Variants in SHISA9 observed in about 807,000 individuals in gnomAD.
SHISA9 encodes shisa family member 9.
Under a neutral mutation model 38.0 loss-of-function variants are expected in SHISA9, and 13 were observed. The observed-to-expected ratio is 0.34, with a 90% CI of 0.22 to 0.54. The LOEUF is 0.54. Among genes scored for constraint, SHISA9 ranks in the 20% least tolerant of loss-of-function variants. The pLI is 0.91. For synonymous variants in SHISA9, 275 were observed against 242.0 expected, an observed-to-expected ratio of 1.14 and a Z score of -1.27; for missense variants, 538 against 575.8, an observed-to-expected ratio of 0.93 and a Z score of 0.67.
intron 2 of SHISA9, among the ~76,000 whole-genome samples, chr16:12,964,521 G>A (rs1031561529): frequency 9.9e-5 from 15 of 151,966 alleles, no homozygotes; most frequent in African/African-American, 3.6e-4. Context: ...AGTTTTTCTT[G>A]GTTTTGTCTT....
At chr16:13,006,230 C>G (rs2072596631) in intron 2 of SHISA9, among the ~76,000 whole-genome samples, 1 of 152,194 alleles carries the variant, frequency 6.6e-6, no homozygotes. Context: ...AGGAAGGGAC[C>G]AGAGTGACCT....
At chr16:13,049,580 T>C (rs955178240) in intron 2 of SHISA9, among the ~76,000 whole-genome samples, 2 of 152,218 alleles carry the variant, frequency 1.3e-5, no homozygotes, top group African/African-American at 4.8e-5. Context: ...CCTGGCTGCA[T>C]GTGTTGTAAC....
At chr16:13,105,323 C>T (rs933759038) in intron 2 of SHISA9, among the ~76,000 whole-genome samples, 16 of 152,140 alleles carry the variant, frequency 1.1e-4, no homozygotes, top group African/African-American at 1.7e-4. Flanking sequence ...GGAGGAGATG[C>T]GGTAAGCATT....
chr16:13,048,670 C>A (rs4780498), intron 2 of SHISA9, among the ~76,000 whole-genome samples: 4,743 of 152,304 alleles, frequency 0.031, 108 homozygotes, highest in East Asian at 0.11. Context: ...GATCCACCTG[C>A]CTTGGCCTCC....
the SHISA9 span, among the ~76,000 whole-genome samples, chr16:13,547,206 G>GAA: frequency 6.7e-6 from 1 of 150,286 alleles, no homozygotes; most frequent in Non-Finnish European, 1.5e-5. Flanking sequence ...GCCAGTAATG[G>GAA]AAAAAAAAAT....
the SHISA9 span, among the ~76,000 whole-genome samples, chr16:13,255,929 A>T: frequency 6.6e-6 from 1 of 152,218 alleles, no homozygotes; most frequent in African/African-American, 2.4e-5. Context: ...ACTTAAATTT[A>T]TGCTTAAATC....
intron 2 of SHISA9, among the ~76,000 whole-genome samples, chr16:13,008,991 C>G (rs1232849125): frequency 6.6e-6 from 1 of 151,916 alleles, no homozygotes; most frequent in African/African-American, 2.4e-5. Flanking sequence ...AAGTCTTTGT[C>G]AATCAGGGGA....
chr16:13,077,808 T>G (rs1208841575), intron 2 of SHISA9, among the ~76,000 whole-genome samples: 1 of 152,160 alleles, frequency 6.6e-6, no homozygotes, highest in Non-Finnish European at 1.5e-5. Flanking sequence ...CACTTCTAAT[T>G]ACAGCCAGCC....
intron 3 of SHISA9, among the ~76,000 whole-genome samples, chr16:13,209,500 C>T (rs765462923): frequency 2.0e-5 from 3 of 152,188 alleles, no homozygotes; most frequent in Admixed American, 2.0e-4. Context: ...AGTTGATGCC[C>T]AGGCATATAG....
At chr16:13,320,506 A>G in the SHISA9 span, among the ~76,000 whole-genome samples, 1 of 152,150 alleles carries the variant, frequency 6.6e-6, no homozygotes, top group South Asian at 2.1e-4. Flanking sequence ...AATCCATGCC[A>G]TGTTCTCAGC....
the SHISA9 span, among the ~76,000 whole-genome samples, chr16:13,398,940 G>A: frequency 6.6e-6 from 1 of 152,188 alleles, no homozygotes; most frequent in East Asian, 1.9e-4. Flanking sequence ...TATCAATTGA[G>A]TGCCAGTTAT....
At chr16:13,518,356 C>T in the SHISA9 span, among the ~76,000 whole-genome samples, 239 of 152,226 alleles carry the variant, frequency 1.6e-3, no homozygotes, top group African/African-American at 5.0e-3. Context: ...AACAGTGTGC[C>T]GCCGACCTGA....
At chr16:13,481,159 G>C in the SHISA9 span, among the ~76,000 whole-genome samples, 1 of 152,160 alleles carries the variant, frequency 6.6e-6, no homozygotes, top group East Asian at 1.9e-4. Flanking sequence ...TTTCTGAAAA[G>C]CTTGTCTTTG....
intron 2 of SHISA9, among the ~76,000 whole-genome samples, chr16:13,088,974 A>G (rs1489545162): frequency 6.6e-6 from 1 of 152,188 alleles, no homozygotes; most frequent in African/African-American, 2.4e-5. Context: ...TATTATTTTG[A>G]GATACGTTCC....
At chr16:13,086,841 A>G (rs189814734) in intron 2 of SHISA9, among the ~76,000 whole-genome samples, 210 of 140,462 alleles carry the variant, frequency 1.5e-3, no homozygotes, top group African/African-American at 6.2e-3. Context: ...AATTTATTTC[A>G]TCTGTTTTCT....
chr16:12,919,982 AC>A (rs1303719528), intron 2 of SHISA9, among the ~76,000 whole-genome samples: 1 of 152,060 alleles, frequency 6.6e-6, no homozygotes, highest in African/African-American at 2.4e-5. Flanking sequence ...TACCTCCTGC[AC>A]CCCGACTTCC....
chr16:13,268,882 G>A, the SHISA9 span, among the ~76,000 whole-genome samples: 1 of 152,138 alleles, frequency 6.6e-6, no homozygotes, highest in Non-Finnish European at 1.5e-5. Flanking sequence ...CATGATACCA[G>A]TTATACCCAC....
rs191042322 is a variant in SHISA9 at position 13,067,564 on chromosome 16, C to T, written c.692-135830C>T. On this transcript the variant is annotated intron_variant, in intron 2 of 4. Coordinates refer to ENST00000558583, the MANE Select transcript of SHISA9 (RefSeq NM_001145204.3). ...TAATTTCTCTCCTAGAAATTCCACC[C>T]GAGCCCAGGAGGTCAAGGCTGCAGT... Among the ~76,000 whole-genome samples, 7 of 152,322 alleles carry T rather than the reference C, an allele frequency of 4.6e-5. No individual in the cohort carries two copies. In the East Asian group the frequency reaches 7.7e-4, roughly 17 times the overall value.
chr16:13,502,447 A>C, the SHISA9 span, among the ~76,000 whole-genome samples: 4 of 152,232 alleles, frequency 2.6e-5, no homozygotes, highest in Non-Finnish European at 5.9e-5. Flanking sequence ...AATGCATGGC[A>C]TACCAATCAT....
Sources: allele counts gnomAD v4.1 joint callset (sites outside exome capture counted in the v4.1 genomes callset), GRCh38; gene constraint gnomAD v4.1.1; transcripts MANE v1.5; gene names NCBI Gene and HGNC (gene_info 2026-07-23, HGNC 2026-07-21).